KLF12: variants seen among roughly 807,000 people sequenced by gnomAD.
KLF12 encodes Krueppel-like factor 12.
In KLF12, 9 loss-of-function variants were observed where a neutral mutation model predicts 37.8. That is an observed-to-expected ratio of 0.24 (90% confidence interval 0.14 to 0.42). KLF12 has a LOEUF of 0.42. KLF12 is among the 10% of genes least tolerant of loss of function. KLF12 has a pLI of 1.00. For synonymous variants in KLF12, 208 were observed against 202.1 expected (o/e 1.03, Z -0.25); for missense variants, 411 against 516.0 (o/e 0.80, Z 1.97).
intron 6 of KLF12, among the ~76,000 whole-genome samples, chr13:73,719,809 C>T (rs906275278): frequency 3.3e-5 from 5 of 151,934 alleles, no homozygotes; most frequent in Admixed American, 6.6e-5. Flanking sequence ...GTTATGTTGC[C>T]CAGGCTTATC....
chr13:73,784,632 T>A (rs1282197900), intron 5 of KLF12, among the ~76,000 whole-genome samples: 4 of 106,162 alleles, frequency 3.8e-5, no homozygotes, highest in East Asian at 3.0e-4. Context: ...CCTCATCTCC[T>A]TTTTTTTTTT....
intron 1 of KLF12, among the ~76,000 whole-genome samples, chr13:74,017,720 CATGTAT>C (rs1442131041): frequency 6.6e-6 from 1 of 151,938 alleles, no homozygotes. Context: ...CACATCTATA[CATGTAT>C]ATGTATAATA....
intron 1 of KLF12, among the ~76,000 whole-genome samples, chr13:74,031,553 G>T (rs1316664713): frequency 6.6e-6 from 1 of 152,038 alleles, no homozygotes; most frequent in Non-Finnish European, 1.5e-5. Flanking sequence ...AAAAAGATGT[G>T]ATTTAAATCA....
the KLF12 span, among the ~76,000 whole-genome samples, chr13:74,200,628 ATCTT>A: frequency 6.6e-6 from 1 of 152,196 alleles, no homozygotes; most frequent in Non-Finnish European, 1.5e-5. Flanking sequence ...ACTCACTCAG[ATCTT>A]TCTGAGAAAA....
Position 74,109,126 on chromosome 13 carries a change from GA to G in KLF12, c.-32+24612del, listed in dbSNP as rs534158298. Among the ~76,000 whole-genome samples, 708 of 152,016 alleles carry G rather than the reference GA, an allele frequency of 4.7e-3. 7 individuals are homozygous for G. Among genetic ancestry groups the G allele is most frequent in the African/African-American group, 0.016 (655 of 41,494 alleles). ...AAAAATGTAATAAACACAAATATTT[GA>G]AAAAAAGTTGATAAAACAGATAAAT... On this transcript the variant is annotated intron_variant, in intron 1 of 7. Coordinates refer to ENST00000377669, the MANE Select transcript of KLF12 (RefSeq NM_007249.5).
chr13:74,252,985 A>G, the KLF12 span, among the ~76,000 whole-genome samples: 1 of 47,542 alleles, frequency 2.1e-5, no homozygotes, highest in African/African-American at 1.0e-4. Context: ...CTGTCTATCT[A>G]TCTATCTATC....
At chr13:73,962,161 G>A (rs540842442) in intron 2 of KLF12, 5 of 342,976 alleles carry the variant, frequency 1.5e-5, no homozygotes, top group South Asian at 9.5e-5. Flanking sequence ...TAGTTATCAA[G>A]CCATGAAAAG....
At position 73,994,985 on chromosome 13, in the gene KLF12, C is replaced by G. The variant is rs766260653; in HGVS notation, c.33+5G>C. ...CAATGCAATTTTAACATCTGACTAA[C>G]CAACCTTTATTGTTTTTCTCTTCAT... On this transcript the variant is annotated splice_donor_5th_base_variant and intron_variant, in intron 2 of 7. Coordinates refer to ENST00000377669, the MANE Select transcript of KLF12 (RefSeq NM_007249.5). 6.3e-7 allele frequency: 1 copy of G among 1,588,402 alleles called. No individual in the cohort carries two copies. The highest frequency in any genetic ancestry group is 8.6e-7 in the Non-Finnish European group (1 of 1,157,778).
the KLF12 span, among the ~76,000 whole-genome samples, chr13:74,246,183 AGTGGATACGT>A: frequency 6.6e-6 from 1 of 152,194 alleles, no homozygotes; most frequent in Admixed American, 6.5e-5. Context: ...TTCTGTTAAA[AGTGGATACGT>A]GCTGTTTTAA....
Position 74,012,736 on chromosome 13 carries a change from G to C in KLF12, c.-31-17683C>G, listed in dbSNP as rs146719925. ...TTCATAATTTTCATAACAGGTAAAA[G>C]TGCTGAAAGAAATCACTGTACACTT... On this transcript the variant is annotated intron_variant, in intron 1 of 7. Transcript: ENST00000377669. Among the ~76,000 whole-genome samples, 351 of 152,300 alleles carry C rather than the reference G, an allele frequency of 2.3e-3. 3 individuals carry two copies. The highest frequency in any genetic ancestry group is 7.8e-3 in the African/African-American group (325 of 41,562).
At chr13:73,821,848 T>C (rs952571120) in intron 4 of KLF12, among the ~76,000 whole-genome samples, 26 of 152,232 alleles carry the variant, frequency 1.7e-4, no homozygotes, top group Admixed American at 1.7e-3. Context: ...TACAGAATAA[T>C]ACCTTCATGA....
At chr13:74,177,556 G>A in the KLF12 span, among the ~76,000 whole-genome samples, 315 of 152,244 alleles carry the variant, frequency 2.1e-3, 2 homozygotes, top group Non-Finnish European at 2.8e-3. Context: ...AAGGCTTTTA[G>A]TTTTACTTAT....
chr13:73,734,315 T>C (rs994414693), intron 6 of KLF12, among the ~76,000 whole-genome samples: 2 of 152,132 alleles, frequency 1.3e-5, no homozygotes, highest in African/African-American at 4.8e-5. Flanking sequence ...ATATACCTTA[T>C]CATTCTTAAC....
chr13:74,282,152 G>C, the KLF12 span, among the ~76,000 whole-genome samples: 1 of 152,150 alleles, frequency 6.6e-6, no homozygotes, highest in African/African-American at 2.4e-5. Context: ...ACAAGCTCCA[G>C]GCTCCTCTGT....
intron 1 of KLF12, among the ~76,000 whole-genome samples, chr13:74,068,815 C>T (rs1266661884): frequency 6.6e-6 from 1 of 152,094 alleles, no homozygotes; most frequent in Non-Finnish European, 1.5e-5. Context: ...CTTTGACCTC[C>T]CAAAGTGCTG....
chr13:74,256,920 T>A, the KLF12 span: 1 of 152,316 alleles, frequency 6.6e-6, no homozygotes, highest in African/African-American at 2.4e-5. Flanking sequence ...TCTACTTTTT[T>A]TTGTTGTTGC....
chr13:74,186,399 G>A, the KLF12 span, among the ~76,000 whole-genome samples: 1 of 152,130 alleles, frequency 6.6e-6, no homozygotes, highest in Non-Finnish European at 1.5e-5. Context: ...GTGTTCAGGT[G>A]ATAGATTGCA....
chr13:73,882,895 T>G (rs1887047227), intron 3 of KLF12, among the ~76,000 whole-genome samples: 1 of 152,174 alleles, frequency 6.6e-6, no homozygotes. Flanking sequence ...TAGGGAACCA[T>G]CTCATGTTCA....
At chr13:73,716,254 TA>T (rs1321888834) in intron 6 of KLF12, among the ~76,000 whole-genome samples, 4 of 152,222 alleles carry the variant, frequency 2.6e-5, no homozygotes, top group African/African-American at 9.6e-5. Context: ...GATTAGTTTA[TA>T]ATGTCAGGTA....
Sources: allele counts gnomAD v4.1 joint callset (sites outside exome capture counted in the v4.1 genomes callset), GRCh38; gene constraint gnomAD v4.1.1; transcripts MANE v1.5; gene names NCBI Gene and HGNC (gene_info 2026-07-23, HGNC 2026-07-21).